Variants in DAB1 observed in about 807,000 individuals in gnomAD.
DAB1 encodes disabled homolog 1.
A neutral mutation model predicts 64.6 loss-of-function variants in DAB1; 15 were observed. The ratio of observed to expected loss-of-function variants is 0.23; its 90% CI spans 0.16 to 0.36. DAB1 has a LOEUF of 0.36. Among genes scored for constraint, DAB1 ranks in the 10% least tolerant of loss-of-function variants. The pLI is 1.00. For missense variants in DAB1, 596 were observed against 706.7 expected, an observed-to-expected ratio of 0.84 and a Z score of 1.78; for synonymous variants, 235 against 251.9, an observed-to-expected ratio of 0.93 and a Z score of 0.64.
At chr1:58,130,385 C>G (rs1653458966) in intron 5 of DAB1, among the ~76,000 whole-genome samples, 1 of 151,068 alleles carries the variant, frequency 6.6e-6, no homozygotes, top group African/African-American at 2.4e-5. Context: ...GAATACAGCA[C>G]ACTGATGGGT....
Position 58,071,279 on chromosome 1 carries a change from C to G in DAB1, n.387+79232G>C, listed in dbSNP as rs957343736. ...ATTCTCTGATGTGATCTGTACTATC[C>G]TGGGAGAACACACAGTATGGATGGG... On this transcript the variant is annotated intron_variant and non_coding_transcript_variant, in intron 5 of 20. Coordinates refer to the DAB1 transcript ENST00000485760. Among the ~76,000 whole-genome samples, 91 of 151,820 alleles carry G rather than the reference C, an allele frequency of 6.0e-4. 1 individual carries two copies. Among genetic ancestry groups the G allele is most frequent in the African/African-American group, 2.2e-3 (89 of 41,382 alleles).
chr1:57,339,464 C>T (rs910183441), intron 1 of DAB1, among the ~76,000 whole-genome samples: 2 of 152,182 alleles, frequency 1.3e-5, no homozygotes, highest in African/African-American at 4.8e-5. Flanking sequence ...CGGCTTCTTT[C>T]TTTAAACGTT....
At chr1:57,007,514 G>A (rs1646117490) in intron 14 of DAB1, among the ~76,000 whole-genome samples, 1 of 152,090 alleles carries the variant, frequency 6.6e-6, no homozygotes, top group African/African-American at 2.4e-5. Flanking sequence ...GGAGGGTAGG[G>A]GGAAAAAAGT....
intron 7 of DAB1, among the ~76,000 whole-genome samples, chr1:57,439,638 AG>A (rs1424328776): frequency 7.3e-6 from 1 of 137,666 alleles, no homozygotes; most frequent in Admixed American, 7.0e-5. Context: ...CATGTTAGCC[AG>A]GATGGTCTTG....
intron 2 of DAB1, among the ~76,000 whole-genome samples, chr1:57,159,176 T>A (rs913265082): frequency 6.6e-6 from 1 of 152,294 alleles, no homozygotes; most frequent in Non-Finnish European, 1.5e-5. Flanking sequence ...ATTTCAGGTT[T>A]TTTTTTTCTT....
At chr1:57,019,177 C>T (rs892487433) in intron 11 of DAB1, among the ~76,000 whole-genome samples, 2 of 152,204 alleles carry the variant, frequency 1.3e-5, no homozygotes, top group African/African-American at 4.8e-5. Context: ...TTCTCTCTCT[C>T]TTTCCACCCT....
At chr1:58,414,774 A>C (rs1010215020) in intron 3 of DAB1, among the ~76,000 whole-genome samples, 15 of 152,140 alleles carry the variant, frequency 9.9e-5, no homozygotes, top group Non-Finnish European at 1.9e-4. Context: ...GAAAGCAAAA[A>C]AATTAAAAAA....
intron 3 of DAB1, among the ~76,000 whole-genome samples, chr1:58,406,726 C>T (rs902169315): frequency 6.6e-6 from 1 of 150,808 alleles, no homozygotes; most frequent in Non-Finnish European, 1.5e-5. Context: ...CCCCCAACTG[C>T]CACCATCTCA....
At chr1:57,097,887 C>T (rs113312286) in intron 4 of DAB1, among the ~76,000 whole-genome samples, 8,612 of 152,062 alleles carry the variant, frequency 0.057, 325 homozygotes, top group Non-Finnish European at 0.084. Context: ...ATGCCATTCT[C>T]CTCCCTCAGC....
intron 6 of DAB1, among the ~76,000 whole-genome samples, chr1:57,684,907 AC>A (rs1558608473): frequency 1.3e-5 from 2 of 152,124 alleles, no homozygotes. Context: ...AGAAAGATCT[AC>A]TATGCAAATG....
chr1:57,527,115 C>T (rs1421949886), intron 7 of DAB1, among the ~76,000 whole-genome samples: 4 of 152,126 alleles, frequency 2.6e-5, no homozygotes, highest in African/African-American at 9.7e-5. Context: ...CTAATCTTAA[C>T]ATAAGCCTCC....
At chr1:57,009,779 A>G (rs998024735) in intron 14 of DAB1, among the ~76,000 whole-genome samples, 6 of 152,326 alleles carry the variant, frequency 3.9e-5, no homozygotes, top group Non-Finnish European at 7.3e-5. Context: ...TCTGTCTCCT[A>G]AGAAGGTTTG....
chr1:57,054,019 T>C (rs1649491687), intron 9 of DAB1, among the ~76,000 whole-genome samples: 1 of 152,128 alleles, frequency 6.6e-6, no homozygotes, highest in South Asian at 2.1e-4. Context: ...AAAGAATTTC[T>C]GCTAGAATTC....
rs540966837 is a variant in DAB1 at position 58,298,802 on chromosome 1, C to T, written n.309+44550G>A. ...GCATCACTGTCTCCAGGAGGCTGCC[C>T]AGTCTAGAGTAGGCACCCCTTCTCT... On this transcript the variant is annotated intron_variant and non_coding_transcript_variant, in intron 4 of 20. Coordinates refer to the DAB1 transcript ENST00000485760. 1.8e-3 allele frequency among the ~76,000 whole-genome samples: 273 copies of T among 152,316 alleles called. 1 individual carries two copies. Among genetic ancestry groups the T allele is most frequent in the Non-Finnish European group, 3.1e-3 (208 of 68,028 alleles).
At chr1:57,288,649 G>GT (rs969901886) in intron 2 of DAB1, among the ~76,000 whole-genome samples, 2 of 152,180 alleles carry the variant, frequency 1.3e-5, no homozygotes, top group African/African-American at 4.8e-5. Flanking sequence ...TGTTTCTGTT[G>GT]TTTAAGCTGT....
chr1:57,462,594 T>C (rs1165665879), intron 7 of DAB1, among the ~76,000 whole-genome samples: 15 of 152,200 alleles, frequency 9.9e-5, no homozygotes, highest in Non-Finnish European at 1.9e-4. Context: ...TTGCATGTAT[T>C]AACTCATTTT....
intron 4 of DAB1, among the ~76,000 whole-genome samples, chr1:57,119,536 A>G (rs1656447710): frequency 1.3e-5 from 2 of 152,196 alleles, no homozygotes; most frequent in South Asian, 4.1e-4. Context: ...AGACAAGGTA[A>G]TAAAACGTAT....
At chr1:58,282,523 A>C (rs1295718994) in intron 4 of DAB1, among the ~76,000 whole-genome samples, 2 of 152,186 alleles carry the variant, frequency 1.3e-5, no homozygotes, top group African/African-American at 4.8e-5. Context: ...AATTATTTTA[A>C]AAACTAACCA....
chr1:57,425,819 A>G (rs1300925987), upstream of DAB1, among the ~76,000 whole-genome samples: 1 of 152,192 alleles, frequency 6.6e-6, no homozygotes, highest in Non-Finnish European at 1.5e-5. Flanking sequence ...CTAAGTCTCT[A>G]CAAGTTTTCC....
Sources: allele counts gnomAD v4.1 joint callset (sites outside exome capture counted in the v4.1 genomes callset), GRCh38; gene constraint gnomAD v4.1.1; transcripts MANE v1.5; gene names NCBI Gene and HGNC (gene_info 2026-07-23, HGNC 2026-07-21).